LRRC40: variants seen among roughly 807,000 people sequenced by gnomAD.
LRRC40 encodes leucine rich repeat containing 40, also known as leucine-rich repeat-containing protein 40.
In LRRC40, 76 loss-of-function variants were observed where a neutral mutation model predicts 72.8. The ratio of observed to expected loss-of-function variants is 1.04; its 90% CI spans 0.87 to 1.26. The LOEUF is 1.26. Ranked by LOEUF, LRRC40 falls within the 50% of genes most tolerant of loss-of-function variation. LRRC40 has a pLI of 0.00. For synonymous variants in LRRC40, 243 were observed against 254.2 expected, an observed-to-expected ratio of 0.96 and a Z score of 0.42; for missense variants, 684 against 698.9, an observed-to-expected ratio of 0.98 and a Z score of 0.24.
intron 9 of LRRC40, among the ~76,000 whole-genome samples, chr1:70,171,484 C>G (rs1022821581): frequency 6.6e-6 from 1 of 151,694 alleles, no homozygotes; most frequent in African/African-American, 2.4e-5. Context: ...AGAACACTTA[C>G]AGCTCAATGA....
At chr1:70,184,014 T>TGAGGAGGGTGGATCATTTGA (rs1553215559) in intron 4 of LRRC40, among the ~76,000 whole-genome samples, 3 of 152,096 alleles carry the variant, frequency 2.0e-5, no homozygotes, top group Non-Finnish European at 2.9e-5. Flanking sequence ...TTTGGGAGGC[T>TGAGGAGGGTGGATCATTTGA]GAGGAGGGTG....
chr1:70,203,332 T>C (rs1254210013), intron 1 of LRRC40, among the ~76,000 whole-genome samples: 1 of 152,222 alleles, frequency 6.6e-6, no homozygotes, highest in East Asian at 1.9e-4. Flanking sequence ...TTTTGAGTGA[T>C]GTAAGATCTG....
intron 5 of LRRC40, among the ~76,000 whole-genome samples, chr1:70,179,539 T>G (rs1668195988): frequency 6.6e-6 from 1 of 152,170 alleles, no homozygotes; most frequent in Non-Finnish European, 1.5e-5. Context: ...AAAGTACAAC[T>G]AAATGTACTC....
intron 1 of LRRC40, among the ~76,000 whole-genome samples, chr1:70,201,094 G>A (rs1042474667): frequency 6.6e-6 from 1 of 152,166 alleles, no homozygotes; most frequent in African/African-American, 2.4e-5. Context: ...CTTGAGCCCA[G>A]GAGTTTGAGG....
intron 14 of LRRC40, chr1:70,147,970 C>T (rs1667352749): frequency 6.6e-6 from 1 of 151,920 alleles, no homozygotes; most frequent in Admixed American, 6.6e-5. Context: ...AAATCAGGGA[C>T]TAATTCTGCT....
rs576827426 is a variant in LRRC40 at position 70,165,756 on chromosome 1, T to G, written c.1112-6318A>C. 1.3e-4 allele frequency among the ~76,000 whole-genome samples: 20 copies of G among 152,220 alleles called. No homozygotes were observed. The South Asian group carries it at 4.1e-3, about 32-fold the overall frequency. On this transcript the variant is annotated intron_variant, in intron 9 of 14. Coordinates refer to ENST00000370952, the MANE Select transcript of LRRC40 (RefSeq NM_017768.5). ...AAATTTAGAGATAATTAAATGCAAT[T>G]CCACTCTAACTACTGTTTAAATACT...
In LRRC40 at chr1:70,145,875, T is replaced by C; in HGVS notation, c.1734A>G (p.Arg578=). 1.2e-6 allele frequency: 2 copies of C among 1,606,426 alleles called. No individual in the cohort carries two copies. The highest frequency in any genetic ancestry group is 1.1e-5 in the South Asian group (1 of 90,692). The change falls in exon 15 of 15, where the codon CGA becomes CGG. Residue 578 remains arginine, a synonymous_variant. Transcript: ENST00000370952. The part of the protein sequence containing the change: ...RTLLLDGNPF[R]VPRAAILMKG... ...TCATTAATATGGCTGCTCGAGGAAC[T>C]CGGAATGGATTTCCATCCAGTAGTA...
At chr1:70,176,893 T>C (rs1668118409) in intron 6 of LRRC40, among the ~76,000 whole-genome samples, 1 of 152,202 alleles carries the variant, frequency 6.6e-6, no homozygotes, top group South Asian at 2.1e-4. Context: ...ACAAAATATA[T>C]ACAAATCTAT....
At chr1:70,200,792 A>ATATG (rs1483668279) in intron 1 of LRRC40, among the ~76,000 whole-genome samples, 1 of 152,198 alleles carries the variant, frequency 6.6e-6, no homozygotes, top group African/African-American at 2.4e-5. Context: ...AATGTCTCAT[A>ATATG]TATGTGTATA....
chr1:70,199,276 A>G (rs1668683305), intron 1 of LRRC40, among the ~76,000 whole-genome samples: 1 of 151,396 alleles, frequency 6.6e-6, no homozygotes, highest in African/African-American at 2.4e-5. Context: ...AAACCTCCAC[A>G]ACATTAACAG....
intron 1 of LRRC40, among the ~76,000 whole-genome samples, chr1:70,194,159 C>T (rs983664677): frequency 1.3e-5 from 2 of 151,836 alleles, no homozygotes; most frequent in African/African-American, 4.8e-5. Flanking sequence ...GTAAAACTGT[C>T]CCAATTAACA....
At position 70,184,889 on chromosome 1, in the gene LRRC40, C is replaced by A; in HGVS notation, c.433G>T (p.Glu145Ter). 1.9e-6 allele frequency: 3 copies of A among 1,606,374 alleles called. No homozygotes were observed. The highest frequency in any genetic ancestry group is 2.6e-6 in the Non-Finnish European group (3 of 1,173,796). Residue 145 changes from glutamate (E) to a stop codon, truncating the protein, a stop_gained, in exon 4 of 15, where the codon GAA becomes TAA. Transcript: ENST00000370952. LOFTEE classifies it high-confidence loss of function. ...AGGTTTCTTAGGTTTGTAATTTCTT[C>A]AGGGAGTATTTTCAGTTTATTATGG... ...VSHNKLKILP[E>*]EITNLRNLKC...
At chr1:70,171,935 G>C (rs1236413472) in intron 9 of LRRC40, among the ~76,000 whole-genome samples, 1 of 152,046 alleles carries the variant, frequency 6.6e-6, no homozygotes, top group Non-Finnish European at 1.5e-5. Flanking sequence ...TAGCCAAAAG[G>C]TCTTTCTGAT....
At chr1:70,204,023 G>GGTTCTGGTTATATAACAATAACCTAAGCA (rs1252535613) in intron 1 of LRRC40, among the ~76,000 whole-genome samples, 2 of 152,152 alleles carry the variant, frequency 1.3e-5, no homozygotes, top group Non-Finnish European at 2.9e-5. Context: ...TAAAGTGTTA[G>GGTTCTGGTTATATAACAATAACCTAAGCA]GTTCTGGTTA....
At chr1:70,184,714 C>T (rs1386346748) in intron 4 of LRRC40, 71 bp downstream of exon 4, 3 of 1,402,314 alleles carry the variant, frequency 2.1e-6, no homozygotes, top group East Asian at 4.8e-5. Context: ...AATCATCTAT[C>T]TTAATTTCTC....
At position 70,178,955 on chromosome 1, in the gene LRRC40, T is replaced by G; in HGVS notation, c.700A>C (p.Thr234Pro). 1.2e-6 allele frequency: 2 copies of G among 1,600,692 alleles called. No homozygotes were observed. The highest frequency in any genetic ancestry group is 1.7e-6 in the Non-Finnish European group (2 of 1,171,536). ...HLDCNSNLLE[T>P]IPPELAGMES... ...ATGCCAGCCAATTCAGGAGGTATAG[T>G]TTCCAAGAGATTTGAATTACAATCC... Residue 234 changes from threonine (T) to proline (P), a missense_variant, in exon 6 of 15, where the codon ACT (threonine) becomes CCT (proline). Transcript: ENST00000370952.
intron 7 of LRRC40, among the ~76,000 whole-genome samples, 192 bp downstream of exon 7, chr1:70,175,618 T>C (rs1313471906): frequency 6.6e-6 from 1 of 152,208 alleles, no homozygotes; most frequent in Non-Finnish European, 1.5e-5. Flanking sequence ...TGTCTGCTTC[T>C]ATTATCATAT....
rs200749148 is a variant in LRRC40 at position 70,186,460 on chromosome 1, C to T, written c.407+805G>A. 3.9e-5 allele frequency among the ~76,000 whole-genome samples: 6 copies of T among 152,128 alleles called. No homozygotes were observed. In the East Asian group the frequency reaches 7.7e-4, roughly 20 times the overall value. ...TGGCCAATGGTAATTTTATGTTTTC[C>T]ACCAAATAAGGAGTGTTACTGGGAG... On this transcript the variant is annotated intron_variant, in intron 3 of 14. Coordinates refer to ENST00000370952, the MANE Select transcript of LRRC40 (RefSeq NM_017768.5).
chr1:70,152,509 C>A lies in LRRC40; in HGVS notation c.1363G>T (p.Asp455Tyr). The A allele has an allele frequency of 6.2e-7, 1 of 1,605,516 alleles. No homozygotes were observed. The highest frequency in any genetic ancestry group is 1.7e-4 in the Middle Eastern group (1 of 6,040). ...AAGGAAAGTTTATTAAAACTGAGAT[C>A]GACATCAGAAACCATTTCCTTCAGT... ...VELKEMVSDV[D>Y]LSFNKLSFIS... Residue 455 changes from aspartate (D) to tyrosine (Y), a missense_variant, in exon 12 of 15, where the codon GAT becomes TAT. By Grantham distance (160) the Asp-to-Tyr change is radical. Transcript: ENST00000370952.
Sources: allele counts gnomAD v4.1 joint callset (sites outside exome capture counted in the v4.1 genomes callset), GRCh38; gene constraint gnomAD v4.1.1; transcripts MANE v1.5; gene names NCBI Gene and HGNC (gene_info 2026-07-23, HGNC 2026-07-21).